The following DYSF variants were observed in gnomAD, a reference collection of about 807,000 sequenced individuals.
DYSF encodes the protein dysferlin, also known as dystrophy-associated fer-1-like 1.
Under a neutral mutation model 274.9 loss-of-function variants are expected in DYSF, and 212 were observed. That is an observed-to-expected ratio of 0.77 (90% CI 0.69 to 0.86). The LOEUF is 0.86. Among genes scored for constraint, DYSF ranks in the 40% least tolerant of loss-of-function variants. DYSF has a pLI of 0.00. For synonymous variants in DYSF, 1,091 were observed against 1,078.7 expected, an observed-to-expected ratio of 1.01 and a Z score of -0.22; for missense variants, 2,666 against 2,783.2, an observed-to-expected ratio of 0.96 and a Z score of 0.95.
chr2:71,505,366 C>T (rs180821210), intron 4 of DYSF, among the ~76,000 whole-genome samples: 41 of 152,346 alleles, frequency 2.7e-4, no homozygotes, highest in Admixed American at 2.2e-3. Context: ...TAAGCCCAAT[C>T]AGCAGAGCAT....
chr2:71,474,998 A>T (rs1457413234), intron 1 of DYSF, among the ~76,000 whole-genome samples: 2 of 152,146 alleles, frequency 1.3e-5, no homozygotes, highest in Non-Finnish European at 2.9e-5. Context: ...TGTGCAGCAG[A>T]CACTTTTATT....
intron 1 of DYSF, among the ~76,000 whole-genome samples, chr2:71,476,339 GTCAGGAATTTGAGGCCAGC>G (rs1226347561): frequency 6.6e-6 from 1 of 152,070 alleles, no homozygotes; most frequent in Non-Finnish European, 1.5e-5. Context: ...ACCACCTGAG[GTCAGGAATTTGAGGCCAGC>G]CTGGCCAACA....
intron 3 of DYSF, among the ~76,000 whole-genome samples, chr2:71,484,366 A>G (rs2083198427): frequency 6.6e-6 from 1 of 152,066 alleles, no homozygotes; most frequent in Non-Finnish European, 1.5e-5. Context: ...GATTTCCTTT[A>G]AAAATTTTTA....
At chr2:71,508,381 A>C (rs1004868962) in intron 4 of DYSF, among the ~76,000 whole-genome samples, 1 of 151,868 alleles carries the variant, frequency 6.6e-6, no homozygotes, top group African/African-American at 2.4e-5. Flanking sequence ...CGGCTCATCC[A>C]TTTTTCCCAG....
rs57338347 is a variant in DYSF at position 71,555,612 on chromosome 2, C to G, written c.2110-353C>G. On this transcript the variant is annotated intron_variant, in intron 21 of 55. Coordinates refer to ENST00000410020, the MANE Select transcript of DYSF (RefSeq NM_001130987.2). ...GAGGGTTCCAGGTGGGGAACCAGAG[C>G]AGGCTCGGAGAGGGCCACTTACCTG... 5.7e-3 allele frequency among the ~76,000 whole-genome samples: 873 copies of G among 152,254 alleles called. 14 individuals are homozygous for G. Among genetic ancestry groups the G allele is most frequent in the African/African-American group, 0.02 (831 of 41,532 alleles).
chr2:71,644,922 A>T (rs1019278759), intron 42 of DYSF, among the ~76,000 whole-genome samples: 45 of 152,198 alleles, frequency 3.0e-4, no homozygotes, highest in African/African-American at 8.2e-4. Flanking sequence ...AAACAGGAAA[A>T]GTTCCCTTAT....
intron 3 of DYSF, among the ~76,000 whole-genome samples, chr2:71,483,872 G>A (rs1236153193): frequency 6.6e-6 from 1 of 152,008 alleles, no homozygotes; most frequent in Non-Finnish European, 1.5e-5. Flanking sequence ...GAAGCCCCAG[G>A]ATGGTGTTGG....
At chr2:71,669,799 G>A in intron 51 of DYSF, 53 bp downstream of exon 51, 1 of 1,612,982 alleles carries the variant, frequency 6.2e-7, no homozygotes, top group Admixed American at 1.7e-5. Flanking sequence ...TCTAAAGTTA[G>A]CCTGACCTGA....
chr2:71,623,863 A>G (rs1166775411), intron 41 of DYSF, among the ~76,000 whole-genome samples: 1 of 151,852 alleles, frequency 6.6e-6, no homozygotes, highest in Non-Finnish European at 1.5e-5. Context: ...TGAGCACAGG[A>G]GTTGAGATCA....
chr2:71,460,598 CA>C (rs2081244035), intron 1 of DYSF, among the ~76,000 whole-genome samples: 1 of 152,098 alleles, frequency 6.6e-6, no homozygotes, highest in African/African-American at 2.4e-5. Flanking sequence ...ATGAAGTCTG[CA>C]AGGGAACAGT....
chr2:71,597,754 C>A (rs1001169225), intron 32 of DYSF, among the ~76,000 whole-genome samples: 38 of 152,174 alleles, frequency 2.5e-4, no homozygotes, highest in African/African-American at 8.9e-4. Flanking sequence ...CAGGGAGCTG[C>A]AGGGGCCTTT....
At chr2:71,473,713 A>G (rs1404756000) in intron 1 of DYSF, among the ~76,000 whole-genome samples, 5 of 152,178 alleles carry the variant, frequency 3.3e-5, no homozygotes, top group Non-Finnish European at 7.3e-5. Flanking sequence ...GGACTTAAAA[A>G]AAATTGTGGT....
rs776897492 is a variant in DYSF, at chr2:71,664,333, A to T, written c.5069A>T (p.Asp1690Val). ...KDLKITLYDYDLLSKDEKIGE... is the reference protein window; with the variant it reads ...KDLKITLYDYVLLSKDEKIGE... ...CTAAAGATCACTCTCTATGACTATG[A>T]CCTCCTCTCCAAGGACGAAAAGATC... Residue 1690 changes from aspartate (D) to valine (V), a missense_variant, in exon 46 of 56, where the codon GAC (aspartate) becomes GTC (valine). Transcript: ENST00000410020. The T allele has an allele frequency of 1.9e-6, 3 of 1,613,660 alleles. No homozygotes were observed. The highest frequency in any genetic ancestry group is 2.7e-5 in the African/African-American group (2 of 74,768).
At chr2:71,641,010 C>T (rs925159593) in intron 41 of DYSF, among the ~76,000 whole-genome samples, 3 of 151,928 alleles carry the variant, frequency 2.0e-5, no homozygotes, top group African/African-American at 7.3e-5. Context: ...TTTTTATTTT[C>T]CTAGAAAATC....
At chr2:71,658,443 A>G (rs1223693641) in intron 43 of DYSF, among the ~76,000 whole-genome samples, 1 of 152,182 alleles carries the variant, frequency 6.6e-6, no homozygotes, top group African/African-American at 2.4e-5. Context: ...ATTTTTGGGT[A>G]TCTTTTCATC....
At chr2:71,567,332 A>G (rs1349178402) in intron 24 of DYSF, among the ~76,000 whole-genome samples, 1 of 152,218 alleles carries the variant, frequency 6.6e-6, no homozygotes, top group African/African-American at 2.4e-5. Flanking sequence ...AATACTAAAC[A>G]TGGAGGGGGA....
chr2:71,636,798 C>T (rs1444865733), intron 41 of DYSF, among the ~76,000 whole-genome samples: 1 of 152,070 alleles, frequency 6.6e-6, no homozygotes, highest in Non-Finnish European at 1.5e-5. Flanking sequence ...CCCTGAGGCA[C>T]TCAGATGGCC....
chr2:71,480,291 T>C (rs1477478552), intron 1 of DYSF, among the ~76,000 whole-genome samples: 1 of 152,158 alleles, frequency 6.6e-6, no homozygotes, highest in African/African-American at 2.4e-5. Flanking sequence ...CCCAGCACTT[T>C]GGGAGGCCAA....
chr2:71,471,329 TG>T (rs1205500741), intron 1 of DYSF, among the ~76,000 whole-genome samples: 1 of 152,164 alleles, frequency 6.6e-6, no homozygotes, highest in East Asian at 1.9e-4. Context: ...AGTTCTCAAC[TG>T]GGGGCAGTTT....
Sources: allele counts gnomAD v4.1 joint callset (sites outside exome capture counted in the v4.1 genomes callset), GRCh38; gene constraint gnomAD v4.1.1; transcripts MANE v1.5; gene names NCBI Gene and HGNC (gene_info 2026-07-23, HGNC 2026-07-21).